TRMT11: variants seen among roughly 807,000 people sequenced by gnomAD.
TRMT11 encodes tRNA methyltransferase 11, also known as tRNA (guanine(10)-N(2))-methyltransferase TRMT11.
Under a neutral mutation model 62.8 loss-of-function variants are expected in TRMT11, and 53 were observed. The ratio of observed to expected loss-of-function variants is 0.84; its 90% CI spans 0.68 to 1.06. The LOEUF (loss-of-function observed/expected upper bound fraction) is 1.06. Ranked by LOEUF, TRMT11 falls within the 50% of genes least tolerant of loss-of-function variation. The pLI, the probability that TRMT11 is intolerant of heterozygous loss-of-function variation, is 0.00. For missense variants in TRMT11, 556 were observed against 553.4 expected (o/e 1.00, Z -0.05); for synonymous variants, 188 against 190.3 (o/e 0.99, Z 0.10).
chr6:126,229,423 TG>T, the TRMT11 span, among the ~76,000 whole-genome samples: 29 of 152,316 alleles, frequency 1.9e-4, no homozygotes, highest in Middle Eastern at 6.8e-3. Flanking sequence ...ACAGCTTAAA[TG>T]TATTTATATT....
At chr6:126,012,350 G>A (rs144039742) in intron 9 of TRMT11, among the ~76,000 whole-genome samples, 55 of 152,028 alleles carry the variant, frequency 3.6e-4, no homozygotes, top group African/African-American at 1.3e-3. Context: ...TAAGAATAAA[G>A]ATAGTCTCTT....
At chr6:126,251,742 A>G in the TRMT11 span, among the ~76,000 whole-genome samples, 9 of 152,222 alleles carry the variant, frequency 5.9e-5, no homozygotes, top group Non-Finnish European at 1.3e-4. Flanking sequence ...GCAGCCAGAT[A>G]GGGTCCAGGG....
At chr6:126,048,852 G>A (rs1382060383) in intron 16 of TRMT11, among the ~76,000 whole-genome samples, 1 of 152,152 alleles carries the variant, frequency 6.6e-6, no homozygotes, top group Non-Finnish European at 1.5e-5. Flanking sequence ...GCTATTGGTT[G>A]TTCATGAATA....
At chr6:126,116,584 G>A (rs1003004278) in intron 21 of TRMT11, among the ~76,000 whole-genome samples, 14 of 152,082 alleles carry the variant, frequency 9.2e-5, no homozygotes, top group South Asian at 8.3e-4. Context: ...CGAGTGGCAC[G>A]TTGGAGACCA....
chr6:126,021,345 T>G, intron 12 of TRMT11, 65 bp downstream of exon 12: 2 of 1,565,610 alleles, frequency 1.3e-6, no homozygotes, highest in Non-Finnish European at 1.7e-6. Flanking sequence ...TTCTAAATAG[T>G]TTTCCTGTGA....
chr6:126,157,536 A>G (rs1778135684), intron 21 of TRMT11, among the ~76,000 whole-genome samples: 1 of 152,176 alleles, frequency 6.6e-6, no homozygotes, highest in South Asian at 2.1e-4. Flanking sequence ...TTCCTGAGTC[A>G]ATGAACCCCG....
upstream of TRMT11, among the ~76,000 whole-genome samples, chr6:126,172,774 T>G (rs1259027002): frequency 1.3e-5 from 2 of 152,210 alleles, no homozygotes; most frequent in Admixed American, 1.3e-4. Flanking sequence ...GCTGTAACAC[T>G]CACTGTTTCA....
At chr6:126,008,371 C>T (rs900008984) in intron 7 of TRMT11, 21 bp from the exon 8 acceptor site, 2 of 1,610,722 alleles carry the variant, frequency 1.2e-6, no homozygotes, top group Non-Finnish European at 1.7e-6. Context: ...GTTAACAGGT[C>T]AAAATTGTGT....
chr6:126,191,566 AT>A (rs897717495), intron 1 of TRMT11, among the ~76,000 whole-genome samples: 19 of 146,880 alleles, frequency 1.3e-4, no homozygotes, highest in African/African-American at 4.8e-4. Context: ...TTTTAATCAT[AT>A]TATAGTTTCA....
intron 21 of TRMT11, among the ~76,000 whole-genome samples, chr6:126,136,810 A>G (rs1437289718): frequency 1.3e-5 from 2 of 151,838 alleles, no homozygotes; most frequent in Non-Finnish European, 2.9e-5. Flanking sequence ...AAGAGGATAG[A>G]GACCCCAGAA....
intron 11 of TRMT11, among the ~76,000 whole-genome samples, chr6:126,014,620 G>A (rs1794717880): frequency 2.0e-5 from 3 of 152,176 alleles, no homozygotes; most frequent in African/African-American, 7.2e-5. Context: ...TAGTCCCTCA[G>A]GCTTTGGGAC....
At chr6:126,140,949 T>A (rs923522149) in intron 21 of TRMT11, among the ~76,000 whole-genome samples, 1 of 152,110 alleles carries the variant, frequency 6.6e-6, no homozygotes, top group Non-Finnish European at 1.5e-5. Context: ...AAACTCCATG[T>A]TTCCTCACCA....
At chr6:126,081,637 T>C (rs1030600092) in intron 17 of TRMT11, among the ~76,000 whole-genome samples, 2 of 152,158 alleles carry the variant, frequency 1.3e-5, no homozygotes, top group African/African-American at 4.8e-5. Flanking sequence ...TAAAATGCTT[T>C]GTAAGCAGTT....
the TRMT11 span, among the ~76,000 whole-genome samples, chr6:126,229,193 G>A: frequency 6.6e-6 from 1 of 152,102 alleles, no homozygotes. Flanking sequence ...TAAACTTATT[G>A]AAAATTTTTT....
chr6:126,094,576 C>G (rs971988162), intron 17 of TRMT11, among the ~76,000 whole-genome samples: 2 of 152,176 alleles, frequency 1.3e-5, no homozygotes, highest in African/African-American at 2.4e-5. Context: ...CACACATTTC[C>G]ACATTTCCTT....
intron 12 of TRMT11, among the ~76,000 whole-genome samples, chr6:126,024,610 C>T (rs892668751): frequency 1.3e-5 from 2 of 152,176 alleles, no homozygotes; most frequent in African/African-American, 4.8e-5. Flanking sequence ...GCATAATTAC[C>T]TCCTTAAAGG....
At chr6:126,155,210 A>G (rs1441693461) in intron 21 of TRMT11, among the ~76,000 whole-genome samples, 1 of 152,190 alleles carries the variant, frequency 6.6e-6, no homozygotes, top group African/African-American at 2.4e-5. Flanking sequence ...GGCATTTTAT[A>G]TGGCAAGAGC....
At chr6:126,258,545 G>A in the TRMT11 span, among the ~76,000 whole-genome samples, 39 of 152,300 alleles carry the variant, frequency 2.6e-4, no homozygotes, top group South Asian at 1.9e-3. Flanking sequence ...TTTTATTACA[G>A]AATCAATTTT....
At chr6:126,156,518 G>A (rs762966120) in intron 21 of TRMT11, among the ~76,000 whole-genome samples, 5 of 152,240 alleles carry the variant, frequency 3.3e-5, no homozygotes, top group Non-Finnish European at 7.3e-5. Context: ...ACATTCGTCA[G>A]TACTAGTTTT....
Sources: allele counts gnomAD v4.1 joint callset (sites outside exome capture counted in the v4.1 genomes callset), GRCh38; gene constraint gnomAD v4.1.1; transcripts MANE v1.5; gene names NCBI Gene and HGNC (gene_info 2026-07-23, HGNC 2026-07-21).